The following CHD4 variants were observed in gnomAD, a reference collection of about 807,000 sequenced individuals.
The protein encoded by CHD4 is ATP-dependent chromatin remodeler CHD4.
In CHD4, 35 loss-of-function variants were observed where a neutral mutation model predicts 235.5. The ratio of observed to expected loss-of-function variants is 0.15; its 90% confidence interval spans 0.11 to 0.20. The LOEUF is 0.20. Among genes scored for constraint, CHD4 ranks in the 10% least tolerant of loss-of-function variants. CHD4 has a pLI of 1.00. For synonymous variants in CHD4, 900 were observed against 850.2 expected (o/e 1.06, Z -1.02); for missense variants, 1,329 against 2,432.3 (o/e 0.55, Z 9.54).
At chr12:6,591,396 A>C in intron 22 of CHD4, 70 bp downstream of exon 22, 1 of 1,196,026 alleles carries the variant, frequency 8.4e-7, no homozygotes. Context: ...AAGGAGATGC[A>C]CAAGAAGTTA....
rs965974866 is a variant in CHD4 at position 6,595,495 on chromosome 12, G to C, written c.2025-65C>G. 8.6e-5 allele frequency: 120 copies of C among 1,391,764 alleles called. 3 individuals carry two copies. In the South Asian group the frequency reaches 1.4e-3, roughly 16 times the overall value. The allele number at this position is 1,391,764 out of a possible 1,614,324, so 86.2% of individuals were successfully genotyped here. A position where few individuals can be genotyped will look rare whatever the true frequency, so the allele number is the denominator to read the frequency against. ...TTCTATAGAAGAAACAACTTGGCCA[G>C]GCACAGTGGCTCACACCTGTAATCC... On this transcript the variant is annotated intron_variant, in intron 13 of 39. Coordinates refer to ENST00000544040, the MANE Select transcript of CHD4 (RefSeq NM_001273.5).
chr12:6,592,590 G>C, intron 18 of CHD4, 24 bp from the exon 19 acceptor site: 1 of 1,582,722 alleles, frequency 6.3e-7, no homozygotes, highest in Non-Finnish European at 8.6e-7. Context: ...AAGGAAAAAA[G>C]TTATTGGAGA....
At position 6,605,845 on chromosome 12, in the gene CHD4, T is replaced by C. The variant is rs532092420; in HGVS notation, c.100+429A>G. Among the ~76,000 whole-genome samples the C allele has an allele frequency of 1.2e-4, 19 of 152,184 alleles. No homozygotes were observed. The South Asian group carries it at 3.9e-3, about 32-fold the overall frequency. Reference sequence around the variant, plus strand: ...ATAGAGTGTAACCAGCACTCCCTCTTTCCTTTCCACAGCAGCAACCACAGG... The same window carrying C: ...ATAGAGTGTAACCAGCACTCCCTCTCTCCTTTCCACAGCAGCAACCACAGG... On this transcript the variant is annotated intron_variant, in intron 2 of 39. Coordinates refer to ENST00000544040, the MANE Select transcript of CHD4 (RefSeq NM_001273.5).
At chr12:6,604,774 G>A (rs951070025) in intron 2 of CHD4, among the ~76,000 whole-genome samples, 4 of 152,190 alleles carry the variant, frequency 2.6e-5, no homozygotes, top group African/African-American at 9.7e-5. Flanking sequence ...GGTGTGGCAA[G>A]TGGAAAAAGT....
chr12:6,592,313 C>CTT, intron 19 of CHD4, 80 bp downstream of exon 19: 1 of 1,499,828 alleles, frequency 6.7e-7, no homozygotes, highest in Non-Finnish European at 8.9e-7. Context: ...TGCCTTGAAG[C>CTT]TGAGTGGGGG....
At chr12:6,605,945 AG>A (rs1430099956) in intron 2 of CHD4, among the ~76,000 whole-genome samples, 3 of 152,028 alleles carry the variant, frequency 2.0e-5, no homozygotes, top group Non-Finnish European at 4.4e-5. Flanking sequence ...CACCACCACA[AG>A]CCTCCAGGGG....
At position 6,593,736 on chromosome 12, in the gene CHD4, C is replaced by T; in HGVS notation, c.2314-120G>A. ...AAGGACTGACACACCTGCGCTGCTG[C>T]TCCTGCTCTCACCTTCCTCTATACA... On this transcript the variant is annotated intron_variant, in intron 15 of 39. Transcript: ENST00000544040. The surrounding 1 kb of genome is among the most constrained non-coding windows in gnomAD (Gnocchi z 4.9). 1 of 829,250 alleles carries T rather than the reference C, an allele frequency of 1.2e-6. No individual in the cohort carries two copies. The highest frequency in any genetic ancestry group is 1.9e-6 in the Non-Finnish European group (1 of 525,564). The allele number at this position is 829,250 out of a possible 1,614,324, so 51.4% of individuals were successfully genotyped here. A position where few individuals can be genotyped will look rare whatever the true frequency, so the allele number is the denominator to read the frequency against.
Position 6,598,097 on chromosome 12 carries a change from C to G in CHD4, c.1689G>C (p.Leu563=). 1.2e-6 allele frequency: 2 copies of G among 1,614,164 alleles called. No individual in the cohort carries two copies. The highest frequency in any genetic ancestry group is 1.7e-6 in the Non-Finnish European group (2 of 1,180,036). The change falls in exon 12 of 40, where the codon CTG becomes CTC. Residue 563 remains leucine (L), a splice_region_variant and synonymous_variant. Coordinates refer to ENST00000544040, the MANE Select transcript of CHD4 (RefSeq NM_001273.5). ...WHCSWVSELQ[L]ELHCQVMFRN... ...GGAACATCACCTGACAGTGCAGCTC[C>G]AGCTTTGAGCGGAAAGAGAAAATCA...
intron 38 of CHD4, chr12:6,571,285 G>C: frequency 2.4e-6 from 1 of 418,444 alleles, no homozygotes; most frequent in Non-Finnish European, 4.2e-6. Flanking sequence ...TCCTCTTCTT[G>C]AGCTTATTCG....
intron 33 of CHD4, chr12:6,579,164 AAT>A (rs551226038): frequency 8.0e-5 from 25 of 312,876 alleles, no homozygotes; most frequent in Non-Finnish European, 1.3e-4. Flanking sequence ...AAAATACAAA[AAT>A]TAGCTGGGTG....
At position 6,606,314 on chromosome 12, in the gene CHD4, C is replaced by T. The variant is rs771049777; in HGVS notation, c.60G>A (p.Met20Ile). Reference sequence around the variant, plus strand: ...GCAGGCTGTTGTTCAAAAGTGCATCCATATCCTCCTCCTCACTGCCCGCCG... The same window carrying T: ...GCAGGCTGTTGTTCAAAAGTGCATCTATATCCTCCTCCTCACTGCCCGCCG... ...PCSAGSEEED[M>I]DALLNNSLPP... Residue 20 changes from methionine to isoleucine, a missense_variant, in exon 2 of 40, where the codon ATG (methionine) becomes ATA (isoleucine). Physicochemically the swap from Met to Ile is conservative, Grantham distance 10. Around this residue, in one of 26 missense-constraint regions of CHD4, gnomAD observed 213 missense variants for 177.5 expected, o/e 1.20. Coordinates refer to ENST00000544040, the MANE Select transcript of CHD4 (RefSeq NM_001273.5). 2 of 1,580,408 alleles carry T rather than the reference C, an allele frequency of 1.3e-6. No individual in the cohort carries two copies. Among genetic ancestry groups the T allele is most frequent in the South Asian group, 2.3e-5 (2 of 88,308 alleles).
Position 6,594,484 on chromosome 12 carries a change from A to C in CHD4, c.2288T>G (p.Val763Gly). 1 of 1,612,274 alleles carries C rather than the reference A, an allele frequency of 6.2e-7. No homozygotes were observed. The highest frequency in any genetic ancestry group is 8.5e-7 in the Non-Finnish European group (1 of 1,179,278). Reference protein sequence around the residue: ...MGLGKTVQTAVFLYSLYKEGH... With the variant: ...MGLGKTVQTAGFLYSLYKEGH... ...CTCCTTGTAAAGGGAATACAGGAAG[A>C]CTGCTGTCTGTACAGTTTTCCCAAG... The change falls in exon 15 of 40, where the codon GTC (valine) becomes GGC (glycine). Residue 763 changes from valine to glycine, a missense_variant. By Grantham distance (109) the Val-to-Gly change is moderately radical. Coordinates refer to ENST00000544040, the MANE Select transcript of CHD4 (RefSeq NM_001273.5).
intron 31 of CHD4, 101 bp from the exon 32 acceptor site, chr12:6,581,489 CTTT>C (rs751875901): frequency 2.0e-6 from 3 of 1,513,288 alleles, no homozygotes; most frequent in Non-Finnish European, 2.8e-6. Context: ...CCTCTCGTGC[CTTT>C]AAGAGCCAGC....
chr12:6,581,385 T>C lies in CHD4; in HGVS notation c.4685A>G (p.Asp1562Gly), dbSNP rs754606685. ...GCTATTTTCCTCTATTTTTATCCCATCTTCTGCAGAACAATAAAAGACAAT... is the reference window on the plus strand; with the variant it reads ...GCTATTTTCCTCTATTTTTATCCCACCTTCTGCAGAACAATAAAAGACAAT... ...NTPAPVPPAEDGIKIEENSLK... is the reference protein window; with the variant it reads ...NTPAPVPPAEGGIKIEENSLK... The change falls in exon 32 of 40, where the codon GAT becomes GGT. Residue 1562 changes from aspartate to glycine, a missense_variant. Transcript: ENST00000544040. 7 of 1,613,254 alleles carry C rather than the reference T, an allele frequency of 4.3e-6. No individual in the cohort carries two copies. In the East Asian group the frequency reaches 1.1e-4, roughly 26 times the overall value.
In CHD4 at chr12:6,600,382, C is replaced by T. The variant is rs758510882; in HGVS notation, c.1077G>A (p.Val359=). 3 of 1,613,980 alleles carry T rather than the reference C, an allele frequency of 1.9e-6. No homozygotes were observed. Among genetic ancestry groups the T allele is most frequent in the African/African-American group, 2.7e-5 (2 of 74,884 alleles). The change falls in exon 9 of 40, where the codon GTG becomes GTA. Residue 359 remains valine, a synonymous_variant. Coordinates refer to ENST00000544040, the MANE Select transcript of CHD4 (RefSeq NM_001273.5). ...TKKKKKGEEE[V]TAVDGYETDH... Reference sequence around the variant, plus strand: ...CTGTCTCATAACCATCCACAGCAGTCACCTCCTCCTCGCCTGGGCAAGGAA... The same window carrying T: ...CTGTCTCATAACCATCCACAGCAGTTACCTCCTCCTCGCCTGGGCAAGGAA...
intron 12 of CHD4, 24 bp downstream of exon 12, chr12:6,597,870 G>A (rs747980821): frequency 1.6e-5 from 25 of 1,608,376 alleles, no homozygotes; most frequent in Admixed American, 5.0e-5. Flanking sequence ...GAGACTGCCC[G>A]TCTCCCGTGT....
At chr12:6,599,713 G>C (rs1161684603) in intron 10 of CHD4, 60 bp downstream of exon 10, 1 of 1,606,090 alleles carries the variant, frequency 6.2e-7, no homozygotes, top group African/African-American at 1.3e-5. Context: ...CCTCACAATA[G>C]CCTACATAGA....
rs1245546874 is a variant in CHD4, at chr12:6,581,183, A to G, written c.4780-10T>C. ...CAGGGGCCTGTGTACACTTCAAAGG[A>G]AAAAAAAACAAAAACAAAACAGATG... On this transcript the variant is annotated splice_polypyrimidine_tract_variant and intron_variant, in intron 32 of 39. Transcript: ENST00000544040. 3 of 1,606,422 alleles carry G rather than the reference A, an allele frequency of 1.9e-6. No individual in the cohort carries two copies. The highest frequency in any genetic ancestry group is 1.1e-5 in the South Asian group (1 of 90,026).
rs1350840992 is a variant in CHD4, at chr12:6,581,152, C to A, written c.4801G>T (p.Ala1601Ser). ...AIECTQAPAP[A>S]SEDEKVVVEP... ...ACAACGACCTTTTCATCCTCTGAGG[C>A]AGGGGCAGGGGCCTGTGTACACTTC... The change falls in exon 33 of 40, where the codon GCC becomes TCC. Residue 1601 changes from alanine to serine, a missense_variant. Ala to Ser is a moderately conservative substitution (Grantham distance 99). This residue lies in a region of CHD4 where 219 missense variants were observed against 219.3 expected (regional missense o/e 1.00). Coordinates refer to ENST00000544040, the MANE Select transcript of CHD4 (RefSeq NM_001273.5). The A allele has an allele frequency of 1.9e-5, 31 of 1,613,886 alleles. No individual in the cohort carries two copies. The Middle Eastern group carries it at 6.6e-4, about 34-fold the overall frequency.
Sources: allele counts gnomAD v4.1 joint callset (sites outside exome capture counted in the v4.1 genomes callset), GRCh38; gene constraint gnomAD v4.1.1; regional missense constraint gnomAD v4.1.1; non-coding constraint Gnocchi (gnomAD v3.1); transcripts MANE v1.5; gene names NCBI Gene and HGNC (gene_info 2026-07-23, HGNC 2026-07-21).